PDE4D: variants seen among roughly 807,000 people sequenced by gnomAD.
The protein encoded by PDE4D is phosphodiesterase 4D.
PDE4D carries 24 observed loss-of-function variants against 87.4 expected under a neutral mutation model. That is an observed-to-expected ratio of 0.27 (90% CI 0.20 to 0.39). PDE4D has a LOEUF of 0.39. Among genes scored for constraint, PDE4D ranks in the 10% least tolerant of loss-of-function variants. The probability of loss-of-function intolerance (pLI) is 1.00; values close to 1 mark genes in which losing one functional copy is unlikely to be tolerated. For missense variants in PDE4D, 714 were observed against 1,041.0 expected (o/e 0.69, Z 4.32); for synonymous variants, 384 against 383.2 (o/e 1.00, Z -0.02).
intron 2 of PDE4D, among the ~76,000 whole-genome samples, chr5:60,177,055 A>T (rs1176785036): frequency 6.6e-6 from 1 of 152,146 alleles, no homozygotes; most frequent in Admixed American, 6.6e-5. Flanking sequence ...TTTTATATTC[A>T]GTCCTATAGT....
chr5:59,281,828 T>C (rs554752468), intron 1 of PDE4D, among the ~76,000 whole-genome samples: 1 of 152,312 alleles, frequency 6.6e-6, no homozygotes, highest in Non-Finnish European at 1.5e-5. Flanking sequence ...GTTGTAAAGG[T>C]AGATTCAGAA....
Position 59,349,970 on chromosome 5 carries a change from T to C in PDE4D, c.456-134002A>G, listed in dbSNP as rs561843530. 4.6e-5 allele frequency among the ~76,000 whole-genome samples: 7 copies of C among 152,316 alleles called. No individual in the cohort carries two copies. The South Asian group carries it at 1.5e-3, about 32-fold the overall frequency. On this transcript the variant is annotated intron_variant, in intron 1 of 14. Coordinates refer to ENST00000340635, the MANE Select transcript of PDE4D (RefSeq NM_001104631.2). Reference sequence around the variant, plus strand: ...TATCTCTGTTTCTAGTCTACATTGATAATTGAGCAGATTCTTTTGAATGTT... The same window carrying C: ...TATCTCTGTTTCTAGTCTACATTGACAATTGAGCAGATTCTTTTGAATGTT...
intron 1 of PDE4D, chr5:59,314,134 G>C (rs977237066): frequency 6.6e-6 from 1 of 152,022 alleles, no homozygotes; most frequent in African/African-American, 2.4e-5. Flanking sequence ...CAACATTCCC[G>C]AGTGGGCCTA....
At chr5:60,497,202 G>T (rs1025824004) in intron 1 of PDE4D, among the ~76,000 whole-genome samples, 5 of 152,106 alleles carry the variant, frequency 3.3e-5, no homozygotes, top group Non-Finnish European at 5.9e-5. Context: ...GTTGTATCAG[G>T]TAGTTGTATG....
At chr5:59,368,994 C>G (rs1179099473) in intron 1 of PDE4D, among the ~76,000 whole-genome samples, 1 of 152,222 alleles carries the variant, frequency 6.6e-6, no homozygotes, top group East Asian at 1.9e-4. Flanking sequence ...TTTTCCAAAC[C>G]CACCACAAAT....
At chr5:59,100,150 G>C (rs1218915476) in intron 5 of PDE4D, among the ~76,000 whole-genome samples, 1 of 152,146 alleles carries the variant, frequency 6.6e-6, no homozygotes. Flanking sequence ...CACAACACAG[G>C]GTACCCGAGT....
intron 1 of PDE4D, among the ~76,000 whole-genome samples, chr5:60,232,072 T>G (rs747698979): frequency 3.3e-5 from 5 of 151,910 alleles, no homozygotes; most frequent in African/African-American, 9.7e-5. Context: ...AACCAACTGT[T>G]TGTAACTTTG....
chr5:59,463,259 A>G (rs1801049688), intron 1 of PDE4D, among the ~76,000 whole-genome samples: 1 of 152,222 alleles, frequency 6.6e-6, no homozygotes, highest in South Asian at 2.1e-4. Context: ...GACACACCAT[A>G]TGGAAATTCC....
intron 5 of PDE4D, among the ~76,000 whole-genome samples, chr5:59,149,630 C>T (rs1779166368): frequency 6.7e-6 from 1 of 149,642 alleles, no homozygotes; most frequent in Non-Finnish European, 1.5e-5. Flanking sequence ...GTGTTGGTTC[C>T]TAGGGCTGGT....
chr5:60,140,292 A>G (rs1038560298), intron 2 of PDE4D, among the ~76,000 whole-genome samples: 84 of 152,054 alleles, frequency 5.5e-4, no homozygotes, highest in Non-Finnish European at 3.1e-4. Flanking sequence ...ATTTCAAAAA[A>G]TTTTCTAGTA....
chr5:60,358,557 C>T (rs1420437467), intron 1 of PDE4D, among the ~76,000 whole-genome samples: 2 of 152,138 alleles, frequency 1.3e-5, no homozygotes, highest in Non-Finnish European at 2.9e-5. Flanking sequence ...TGGCTTCACA[C>T]TCATAAGGCA....
At chr5:59,539,780 C>T (rs1267418374) in intron 1 of PDE4D, among the ~76,000 whole-genome samples, 1 of 151,992 alleles carries the variant, frequency 6.6e-6, no homozygotes, top group East Asian at 1.9e-4. Flanking sequence ...AAAGTCTACC[C>T]CATATTTTCT....
In PDE4D at chr5:58,970,158, G is replaced by C. The variant is rs1742369157; in HGVS notation, c.*4506C>G. The C allele has an allele frequency of 6.6e-6, 1 of 152,120 alleles. No homozygotes were observed. Among genetic ancestry groups the C allele is most frequent in the Non-Finnish European group, 1.5e-5 (1 of 68,018 alleles). 9.4% of individuals were successfully genotyped at this position (152,120 alleles called of 1,614,324 possible). On this transcript the variant is annotated 3_prime_UTR_variant, in exon 15 of 15. Transcript: ENST00000340635. ...ATGTACAGTACTATCCCCGTGGGCT[G>C]TAAGAGAGGCTAAGAAACCACTAAA...
At chr5:59,936,950 T>C (rs923444023) in intron 3 of PDE4D, among the ~76,000 whole-genome samples, 2 of 152,258 alleles carry the variant, frequency 1.3e-5, no homozygotes, top group Non-Finnish European at 2.9e-5. Context: ...TTCAAAGTTT[T>C]CTGGAGAGAA....
chr5:59,717,464 A>G (rs1239070235), intron 1 of PDE4D, among the ~76,000 whole-genome samples: 3 of 152,228 alleles, frequency 2.0e-5, no homozygotes, highest in Non-Finnish European at 4.4e-5. Context: ...AAAAAATTGA[A>G]TTCCACATGC....
intron 5 of PDE4D, 154 bp from the exon 6 acceptor site, chr5:59,039,125 T>C: frequency 7.3e-7 from 1 of 1,372,192 alleles, no homozygotes; most frequent in Middle Eastern, 2.0e-4. Flanking sequence ...AGCCCGGCAG[T>C]GCAACGGGGG....
intron 1 of PDE4D, among the ~76,000 whole-genome samples, chr5:59,302,292 T>C (rs186472130): frequency 6.6e-6 from 1 of 152,304 alleles, no homozygotes; most frequent in East Asian, 1.9e-4. Flanking sequence ...AGCGGGGCAC[T>C]CAATCTTTTA....
intron 2 of PDE4D, among the ~76,000 whole-genome samples, chr5:60,006,423 T>A (rs1316805846): frequency 6.6e-6 from 1 of 151,848 alleles, no homozygotes; most frequent in Non-Finnish European, 1.5e-5. Context: ...TAAGGTGCTG[T>A]GCAAAAAGGA....
chr5:59,203,104 G>A (rs1274549105), intron 2 of PDE4D, among the ~76,000 whole-genome samples: 2 of 152,094 alleles, frequency 1.3e-5, no homozygotes, highest in Admixed American at 1.3e-4. Context: ...AGCACCTTAG[G>A]AGGCTGAGGT....
Sources: gnomAD v4.1 joint callset for allele counts (sites outside exome capture counted in the v4.1 genomes callset) on GRCh38, gnomAD v4.1.1 for gene constraint, MANE v1.5 for transcripts, NCBI Gene and HGNC (gene_info 2026-07-23, HGNC 2026-07-21) for gene names.